LOXL2: variants seen among roughly 807,000 people sequenced by gnomAD.
LOXL2 encodes lysyl oxidase homolog 2.
LOXL2 carries 70 observed loss-of-function variants against 93.0 expected under a neutral mutation model. The observed-to-expected ratio is 0.75, with a 90% CI of 0.62 to 0.92. The LOEUF (loss-of-function observed/expected upper bound fraction) is 0.92, where lower values mean the gene tolerates loss of function less well. Ranked by LOEUF, LOXL2 falls within the 40% of genes least tolerant of loss-of-function variation. The pLI is 0.00. For missense variants in LOXL2, 973 were observed against 1,054.9 expected, an observed-to-expected ratio of 0.92 and a Z score of 1.08; for synonymous variants, 438 against 413.2, an observed-to-expected ratio of 1.06 and a Z score of -0.73.
Position 23,297,640 on chromosome 8 carries a change from TG to T in LOXL2, c.*402del, listed in dbSNP as rs373898419. The T allele has an allele frequency of 3.5e-4, 61 of 174,304 alleles. No individual in the cohort carries two copies. Among genetic ancestry groups the T allele is most frequent in the African/African-American group, 1.4e-3 (59 of 42,336 alleles). 10.8% of individuals were successfully genotyped at this position (174,304 alleles called of 1,614,324 possible). On this transcript the variant is annotated 3_prime_UTR_variant, in exon 14 of 14. Transcript: ENST00000389131. ...AAATGGGGTTCGGCCTGACCCTCTC[TG>T]GGGGGGCTGATGAGCCCGCATTTGT...
intron 1 of LOXL2, among the ~76,000 whole-genome samples, chr8:23,390,948 G>A (rs1237969484): frequency 6.6e-6 from 1 of 152,048 alleles, no homozygotes; most frequent in Non-Finnish European, 1.5e-5. Flanking sequence ...GGTGAAAGGT[G>A]AAAGGTGAAA....
chr8:23,350,342 G>C (rs1804072240), intron 3 of LOXL2, among the ~76,000 whole-genome samples: 1 of 152,148 alleles, frequency 6.6e-6, no homozygotes. Context: ...ACTTTGGGAG[G>C]CCGAGGCGGG....
At chr8:23,373,311 G>T (rs193300518) in intron 1 of LOXL2, among the ~76,000 whole-genome samples, 2 of 152,200 alleles carry the variant, frequency 1.3e-5, no homozygotes, top group East Asian at 1.9e-4. Flanking sequence ...GCGGAGGGGG[G>T]GCCTAACTTT....
At chr8:23,310,882 G>T (rs1803310964) in intron 9 of LOXL2, among the ~76,000 whole-genome samples, 1 of 152,214 alleles carries the variant, frequency 6.6e-6, no homozygotes, top group African/African-American at 2.4e-5. Context: ...CTAAACAATT[G>T]TATTAGAAAG....
At chr8:23,325,827 G>A (rs1803568465) in intron 6 of LOXL2, among the ~76,000 whole-genome samples, 1 of 152,196 alleles carries the variant, frequency 6.6e-6, no homozygotes, top group South Asian at 2.1e-4. Context: ...GTCCCGATGC[G>A]GGCAGGGGTC....
In LOXL2 at chr8:23,297,768, G is replaced by C. The variant is rs989786248; in HGVS notation, c.*275C>G. 3.1e-5 allele frequency: 12 copies of C among 387,952 alleles called. No homozygotes were observed. Among genetic ancestry groups the C allele is most frequent in the African/African-American group, 2.0e-4 (10 of 49,138 alleles). 24.0% of individuals were successfully genotyped at this position (387,952 alleles called of 1,614,324 possible). ...ACAACCTGTCTGTGGGCCTCATCCC[G>C]GTCAAGACTGGCTCTTGGTGCTGCT... On this transcript the variant is annotated 3_prime_UTR_variant, in exon 14 of 14. Coordinates refer to ENST00000389131, the MANE Select transcript of LOXL2 (RefSeq NM_002318.3).
intron 3 of LOXL2, among the ~76,000 whole-genome samples, chr8:23,341,792 A>C (rs1320926255): frequency 1.3e-5 from 2 of 152,222 alleles, no homozygotes. Flanking sequence ...TGAGAGAAGA[A>C]GCAGGGCTTA....
intron 3 of LOXL2, among the ~76,000 whole-genome samples, chr8:23,359,444 C>A (rs185376629): frequency 4.7e-4 from 72 of 152,328 alleles, no homozygotes; most frequent in Non-Finnish European, 7.8e-4. Context: ...ACTCAGGCAG[C>A]CTACGAAGAG....
At chr8:23,302,503 T>G (rs894651713) in intron 11 of LOXL2, among the ~76,000 whole-genome samples, 4 of 151,676 alleles carry the variant, frequency 2.6e-5, no homozygotes, top group South Asian at 2.1e-4. Flanking sequence ...TAGCAAAACG[T>G]GGGGGGTCAT....
intron 3 of LOXL2, among the ~76,000 whole-genome samples, chr8:23,356,847 G>A (rs953901847): frequency 6.6e-6 from 1 of 152,188 alleles, no homozygotes; most frequent in African/African-American, 2.4e-5. Flanking sequence ...GAGGGCCCAT[G>A]CTCCTTGCCT....
intron 4 of LOXL2, among the ~76,000 whole-genome samples, chr8:23,334,179 C>G (rs1192555445): frequency 1.3e-5 from 2 of 152,224 alleles, no homozygotes; most frequent in East Asian, 3.9e-4. Context: ...GCTGGGACTA[C>G]AGGTACCTGC....
chr8:23,344,508 T>C (rs190545371), intron 3 of LOXL2, among the ~76,000 whole-genome samples: 2 of 152,044 alleles, frequency 1.3e-5, no homozygotes, highest in East Asian at 3.9e-4. Context: ...GATGGTGTGT[T>C]TCTGAGTGTC....
intron 3 of LOXL2, among the ~76,000 whole-genome samples, chr8:23,344,501 GGT>G (rs1278535357): frequency 6.6e-6 from 1 of 151,804 alleles, no homozygotes; most frequent in Non-Finnish European, 1.5e-5. Context: ...TATGCATGAT[GGT>G]GTGTTTCTGA....
chr8:23,379,724 G>A (rs1432144743), intron 1 of LOXL2, among the ~76,000 whole-genome samples: 1 of 152,168 alleles, frequency 6.6e-6, no homozygotes, highest in Non-Finnish European at 1.5e-5. Flanking sequence ...CCGTGGGCGT[G>A]GGACCCCCCG....
At chr8:23,387,969 C>G (rs1263082068) in intron 1 of LOXL2, among the ~76,000 whole-genome samples, 1 of 152,040 alleles carries the variant, frequency 6.6e-6, no homozygotes, top group Non-Finnish European at 1.5e-5. Flanking sequence ...AACAAAAAAA[C>G]TTTTTTAAGG....
chr8:23,328,391 G>C lies in LOXL2; in HGVS notation c.1141C>G (p.Leu381Val). 6.2e-7 allele frequency: 1 copy of C among 1,613,924 alleles called. No individual in the cohort carries two copies. The highest frequency in any genetic ancestry group is 8.5e-7 in the Non-Finnish European group (1 of 1,180,006). Residue 381 changes from leucine (L) to valine (V), a missense_variant, in exon 6 of 14, where the codon CTG (leucine) becomes GTG (valine). By Grantham distance (32) the Leu-to-Val change is conservative (BLOSUM62 1). Transcript: ENST00000389131. ...SAKEAVTGSR[L>V]GQGIGPIHLN... ...CCTCCCCATTCCTTACCTTGCCCCA[G>C]TCGGGAGCCAGTGACTGCCTCTTTG...
At chr8:23,360,640 G>A (rs1464970841) in intron 2 of LOXL2, among the ~76,000 whole-genome samples, 2 of 152,156 alleles carry the variant, frequency 1.3e-5, no homozygotes, top group East Asian at 3.9e-4. Flanking sequence ...TCAGTAAAGT[G>A]GGGCTAACAA....
At position 23,360,075 on chromosome 8, in the gene LOXL2, G is replaced by A. The variant is rs1804263732; in HGVS notation, c.531+15C>T. On this transcript the variant is annotated intron_variant, in intron 3 of 13. Transcript: ENST00000389131. ...AATGTTTGCATGAAGGAAACATCAA[G>A]AGCACATGACTTGCCTCTATCTGGT... 1 of 1,588,488 alleles carries A rather than the reference G, an allele frequency of 6.3e-7. No homozygotes were observed. Among genetic ancestry groups the A allele is most frequent in the Non-Finnish European group, 8.6e-7 (1 of 1,158,746 alleles).
At chr8:23,321,085 C>T (rs1803489458) in intron 7 of LOXL2, among the ~76,000 whole-genome samples, 1 of 151,990 alleles carries the variant, frequency 6.6e-6, no homozygotes, top group Non-Finnish European at 1.5e-5. Context: ...TCGTCTCTCT[C>T]CAATGCATCC....
Sources: allele counts gnomAD v4.1 joint callset (sites outside exome capture counted in the v4.1 genomes callset), GRCh38; gene constraint gnomAD v4.1.1; transcripts MANE v1.5; gene names NCBI Gene and HGNC (gene_info 2026-07-23, HGNC 2026-07-21).